Variants in PROX2 observed in about 807,000 individuals in gnomAD.
The protein encoded by PROX2 is prospero homeobox 2, also known as prospero homeobox protein 2.
PROX2 carries 46 observed loss-of-function variants against 48.9 expected under a neutral mutation model. That is an observed-to-expected ratio of 0.94 (90% CI 0.74 to 1.20). The LOEUF is 1.20. Among genes scored for constraint, PROX2 ranks in the 50% most tolerant of loss-of-function variants. The probability of loss-of-function intolerance (pLI) is 0.00; values close to 1 mark genes in which losing one functional copy is unlikely to be tolerated. For synonymous variants in PROX2, 260 were observed against 276.6 expected, an observed-to-expected ratio of 0.94 and a Z score of 0.60; for missense variants, 663 against 719.4, an observed-to-expected ratio of 0.92 and a Z score of 0.90.
chr14:74,856,129 C>T (rs1212859736), intron 5 of PROX2: 1 of 152,194 alleles, frequency 6.6e-6, no homozygotes, highest in Non-Finnish European at 1.5e-5. Context: ...CCAGATATAC[C>T]CGGCACCTGC....
At position 74,862,875 on chromosome 14, in the gene PROX2, C is replaced by T. The variant is rs772328345; in HGVS notation, c.960G>A (p.Met320Ile). ...DSPRYPIPPR[M>I]TPKPCQDPPA... Reference sequence around the variant, plus strand: ...GGGGATCCTGACAGGGTTTGGGGGTCATTCTTGGAGGGATAGGGTACCTAG... The same window carrying T: ...GGGGATCCTGACAGGGTTTGGGGGTTATTCTTGGAGGGATAGGGTACCTAG... Residue 320 changes from methionine (M) to isoleucine (I), a missense_variant, in exon 3 of 6, where the codon ATG (methionine) becomes ATA (isoleucine). Transcript: ENST00000556489. The T allele has an allele frequency of 6.2e-7, 1 of 1,613,808 alleles. No homozygotes were observed. The highest frequency in any genetic ancestry group is 1.1e-5 in the South Asian group (1 of 91,072).
chr14:74,862,565 C>A lies in PROX2; in HGVS notation c.1270G>T (p.Ala424Ser). The A allele has an allele frequency of 6.2e-7, 1 of 1,613,820 alleles. No individual in the cohort carries two copies. The highest frequency in any genetic ancestry group is 8.5e-7 in the Non-Finnish European group (1 of 1,179,824). The change falls in exon 3 of 6, where the codon GCT becomes TCT. Residue 424 changes from alanine (A) to serine (S), a missense_variant. Ala to Ser is a moderately conservative substitution (Grantham distance 99, BLOSUM62 1). Transcript: ENST00000556489. Reference sequence around the variant, plus strand: ...GAGAAAGGCAGTGCCTCCATGACAGCATGCAGGCCTCTCTGTTCCATCTTC... The same window carrying A: ...GAGAAAGGCAGTGCCTCCATGACAGAATGCAGGCCTCTCTGTTCCATCTTC... ...SVKMEQRGLH[A>S]VMEALPFSLV...
At chr14:74,864,910 A>G (rs1883009451) in intron 2 of PROX2, among the ~76,000 whole-genome samples, 1 of 151,638 alleles carries the variant, frequency 6.6e-6, no homozygotes, top group African/African-American at 2.4e-5. Flanking sequence ...TTGGGAGGCC[A>G]GGGCGAGTGG....
At chr14:74,865,654 A>T (rs535505524) in intron 2 of PROX2, among the ~76,000 whole-genome samples, 1 of 151,628 alleles carries the variant, frequency 6.6e-6, no homozygotes, top group Non-Finnish European at 1.5e-5. Flanking sequence ...CATTCATGAA[A>T]CCCCGTCTCT....
At chr14:74,865,642 A>G (rs1180632894) in intron 2 of PROX2, among the ~76,000 whole-genome samples, 4 of 151,878 alleles carry the variant, frequency 2.6e-5, no homozygotes, top group Non-Finnish European at 5.9e-5. Context: ...CATCCTGGCT[A>G]ACATTCATGA....
intron 2 of PROX2, among the ~76,000 whole-genome samples, chr14:74,870,650 T>G (rs1345604255): frequency 2.6e-5 from 4 of 152,180 alleles, no homozygotes; most frequent in African/African-American, 4.8e-5. Context: ...AACATTTGCA[T>G]GTATGGAGAA....
In PROX2 at chr14:74,863,926, C is replaced by T. The variant is rs1243869978; in HGVS notation, c.-92G>A. Reference sequence around the variant, plus strand: ...AATGCGCTGGGCTTCCTCCTCTGCACTTAGAAGGGTAAAGAGCCACTGTCA... The same window carrying T: ...AATGCGCTGGGCTTCCTCCTCTGCATTTAGAAGGGTAAAGAGCCACTGTCA... On this transcript the variant is annotated 5_prime_UTR_variant, in exon 3 of 6. The change creates a new upstream start codon in the 5' untranslated region. Coordinates refer to ENST00000556489, the MANE Select transcript of PROX2 (RefSeq NM_001243007.2). 3 of 1,361,366 alleles carry T rather than the reference C, an allele frequency of 2.2e-6. No homozygotes were observed. Among genetic ancestry groups the T allele is most frequent in the Non-Finnish European group, 1.9e-6 (2 of 1,061,768 alleles). 84.3% of individuals were successfully genotyped at this position (1,361,366 alleles called of 1,614,324 possible). A position where few individuals can be genotyped will look rare whatever the true frequency, so the allele number is the denominator to read the frequency against.
Position 74,858,404 on chromosome 14 carries a change from T to C in PROX2, c.1413+3A>G, listed in dbSNP as rs1391529127. The C allele has an allele frequency of 1.3e-6, 2 of 1,547,276 alleles. No individual in the cohort carries two copies. Among genetic ancestry groups the C allele is most frequent in the East Asian group, 2.4e-5 (1 of 42,486 alleles). Reference sequence around the variant, plus strand: ...AAGCTGCCATTTAGTTGAGTGACTTTACCTGAACATCAGGAAAATAAACCT... The same window carrying C: ...AAGCTGCCATTTAGTTGAGTGACTTCACCTGAACATCAGGAAAATAAACCT... On this transcript the variant is annotated splice_donor_region_variant and intron_variant, in intron 4 of 5. Coordinates refer to ENST00000556489, the MANE Select transcript of PROX2 (RefSeq NM_001243007.2).
Position 74,863,682 on chromosome 14 carries a change from T to C in PROX2, c.153A>G (p.Thr51=). 6.5e-7 allele frequency: 1 copy of C among 1,549,834 alleles called. No homozygotes were observed. The highest frequency in any genetic ancestry group is 8.7e-7 in the Non-Finnish European group (1 of 1,149,506). Residue 51 remains threonine, a synonymous_variant, in exon 3 of 6, where the codon ACA becomes ACG. Transcript: ENST00000556489. ...GCTCATCACCAAACCATTCGGGGTC[T>C]GTAGGGCTGGAGCTGGGGACCTGAC... is the stretch of plus-strand genomic sequence containing the variant. The part of the protein sequence containing the change: ...PWSQVPSSSP[T]DPEWFGDEHI...
intron 2 of PROX2, among the ~76,000 whole-genome samples, chr14:74,864,892 C>G (rs1381629156): frequency 1.3e-5 from 2 of 151,222 alleles, no homozygotes. Flanking sequence ...ACCTGTAATC[C>G]CAGCACTTTG....
At chr14:74,875,402 G>A (rs1009201340) in intron 1 of PROX2, among the ~76,000 whole-genome samples, 1 of 152,186 alleles carries the variant, frequency 6.6e-6, no homozygotes, top group Non-Finnish European at 1.5e-5. Flanking sequence ...AGGTCACACA[G>A]CAGCTGCAAT....
chr14:74,863,108 G>T lies in PROX2; in HGVS notation c.727C>A (p.Gln243Lys). The T allele has an allele frequency of 6.2e-7, 1 of 1,614,002 alleles. No individual in the cohort carries two copies. ...AVSQAVDSVL[Q>K]KVLLDPPGHL... ...CCTGGTGGATCCAATAGTACCTTTT[G>T]TAATACCGAGTCCACAGCCTGGGAC... The change falls in exon 3 of 6, where the codon CAA (glutamine) becomes AAA (lysine). Residue 243 changes from glutamine (Q) to lysine (K), a missense_variant. Transcript: ENST00000556489.
intron 5 of PROX2, chr14:74,856,450 C>T (rs752785502): frequency 4.9e-5 from 10 of 203,728 alleles, no homozygotes; most frequent in Non-Finnish European, 7.9e-5. Context: ...GACTAGGTGC[C>T]ACAACTGAGC....
Position 74,855,021 on chromosome 14 carries a change from A to C in PROX2, c.*111T>G, listed in dbSNP as rs747096539. 12 of 594,520 alleles carry C rather than the reference A, an allele frequency of 2.0e-5. No homozygotes were observed. Among genetic ancestry groups the C allele is most frequent in the Non-Finnish European group, 3.3e-5 (12 of 365,568 alleles). The allele number at this position is 594,520 out of a possible 1,614,324, so 36.8% of individuals were successfully genotyped here. A position where few individuals can be genotyped will look rare whatever the true frequency, so the allele number is the denominator to read the frequency against. ...GTAATAGTACCTGTTTTGATAGAGG[A>C]GATTTCCTTGTGCCCTTTTTATATG... On this transcript the variant is annotated 3_prime_UTR_variant, in exon 6 of 6. Transcript: ENST00000556489.
rs563785565 is a variant in PROX2 at position 74,864,561 on chromosome 14, G to T, written c.-174-553C>A. On this transcript the variant is annotated intron_variant, in intron 2 of 5. Transcript: ENST00000556489. ...GGCACTTCTAGAAATAGCAAATTCGGCAGGGTGCGGTGGCTCACGCCTGTA... is the reference window on the plus strand; with the variant it reads ...GGCACTTCTAGAAATAGCAAATTCGTCAGGGTGCGGTGGCTCACGCCTGTA... Among the ~76,000 whole-genome samples, 232 of 152,350 alleles carry T rather than the reference G, an allele frequency of 1.5e-3. 1 individual carries two copies. The highest frequency in any genetic ancestry group is 5.2e-3 in the African/African-American group (216 of 41,582).
At chr14:74,875,618 G>A (rs1253483364) in intron 1 of PROX2, among the ~76,000 whole-genome samples, 3 of 152,202 alleles carry the variant, frequency 2.0e-5, no homozygotes, top group African/African-American at 7.2e-5. Flanking sequence ...AATGAAAGAA[G>A]AGCTTCAAAA....
At chr14:74,858,591 G>T in intron 3 of PROX2, 77 bp from the exon 4 acceptor site, 2 of 769,248 alleles carry the variant, frequency 2.6e-6, no homozygotes, top group South Asian at 1.8e-5. Flanking sequence ...TGTTCCTGTG[G>T]TTTCTATTTG....
intron 4 of PROX2, chr14:74,858,096 C>T: frequency 4.4e-6 from 1 of 228,896 alleles, no homozygotes; most frequent in Non-Finnish European, 8.6e-6. Flanking sequence ...CCAGCCAAGG[C>T]AGAAAACTAG....
rs1883207297 is a variant in PROX2, at chr14:74,871,268, T to TATTTTTTTTAAAAAAACTGC, written c.-309-51_-309-32dup. ...AACATAAAGTAAAATAAATAAAGTCTATTTTTTTTAAAAAAACTGCACTTT... is the reference window on the plus strand; with the variant it reads ...AACATAAAGTAAAATAAATAAAGTCTATTTTTTTTAAAAAAACTGCATTTTTTTTAAAAAAACTGCACTTT... On this transcript the variant is annotated intron_variant, in intron 1 of 5. Coordinates refer to ENST00000556489, the MANE Select transcript of PROX2 (RefSeq NM_001243007.2). 7 of 151,648 alleles carry TATTTTTTTTAAAAAAACTGC rather than the reference T, an allele frequency of 4.6e-5. No individual in the cohort carries two copies. The South Asian group carries it at 1.5e-3, about 32-fold the overall frequency. 9.4% of individuals were successfully genotyped at this position (151,648 alleles called of 1,614,324 possible). A position where few individuals can be genotyped will look rare whatever the true frequency, so the allele number is the denominator to read the frequency against.
Sources: allele counts gnomAD v4.1 joint callset (sites outside exome capture counted in the v4.1 genomes callset), GRCh38; gene constraint gnomAD v4.1.1; transcripts MANE v1.5; gene names NCBI Gene and HGNC (gene_info 2026-07-23, HGNC 2026-07-21).